OSBPL1A: variants seen among roughly 807,000 people sequenced by gnomAD.
The protein encoded by OSBPL1A is oxysterol binding protein like 1A, also known as oxysterol-binding protein-related protein 1.
A neutral mutation model predicts 137.1 loss-of-function variants in OSBPL1A; 80 were observed. The ratio of observed to expected loss-of-function variants is 0.58; its 90% CI spans 0.49 to 0.70. The LOEUF (loss-of-function observed/expected upper bound fraction) is 0.70, where lower values mean the gene tolerates loss of function less well. Among genes scored for constraint, OSBPL1A ranks in the 30% least tolerant of loss-of-function variants. The probability of loss-of-function intolerance (pLI) is 0.00; values close to 1 mark genes in which losing one functional copy is unlikely to be tolerated. For missense variants in OSBPL1A, 970 were observed against 1,129.4 expected (o/e 0.86, Z 2.02); for synonymous variants, 365 against 389.7 (o/e 0.94, Z 0.75).
chr18:24,226,961 G>A (rs369595994), intron 16 of OSBPL1A, among the ~76,000 whole-genome samples: 67 of 141,690 alleles, frequency 4.7e-4, no homozygotes, highest in African/African-American at 1.6e-3. Context: ...GTGCAATCTC[G>A]GCTCACTGCA....
intron 1 of OSBPL1A, among the ~76,000 whole-genome samples, chr18:24,389,153 C>T (rs1907149693): frequency 6.6e-6 from 1 of 152,178 alleles, no homozygotes. Context: ...TTTCTATCAG[C>T]GCACATGGTA....
chr18:24,334,187 TC>T (rs1345028457), intron 6 of OSBPL1A, 57 bp downstream of exon 6: 51 of 1,409,310 alleles, frequency 3.6e-5, no homozygotes, highest in Non-Finnish European at 4.9e-5. Context: ...GTAAAAATTT[TC>T]CTGAAGTGTA....
intron 24 of OSBPL1A, among the ~76,000 whole-genome samples, 200 bp downstream of exon 24, chr18:24,170,127 A>G (rs45502992): frequency 0.11 from 14,743 of 133,602 alleles, 1,006 homozygotes; most frequent in Middle Eastern, 0.28. Flanking sequence ...AAAAACTGAT[A>G]GGTGTCCACA....
Position 24,366,962 on chromosome 18 carries a change from C to G in OSBPL1A, c.212G>C (p.Gly71Ala), listed in dbSNP as rs1276348313. 49 of 1,609,342 alleles carry G rather than the reference C, an allele frequency of 3.0e-5. No individual in the cohort carries two copies. The highest frequency in any genetic ancestry group is 3.7e-5 in the Non-Finnish European group (44 of 1,177,812). The change falls in exon 4 of 28, where the codon GGT (glycine) becomes GCT (alanine). Residue 71 changes from glycine to alanine, a missense_variant. By Grantham distance (60) the Gly-to-Ala change is moderately conservative (BLOSUM62 0). This residue lies in a region of OSBPL1A where 647 missense variants were observed against 672.6 expected (regional missense o/e 0.96). Transcript: ENST00000319481. ...GTCATTCAACACATTCACTTCTGCA[C>G]CAGCCTAGTAAACATGACCACTTTA... ...RQVVQDLLKA[G>A]AEVNVLNDMG...
At chr18:24,325,095 AAAAGAAAG>A (rs111995094) in intron 7 of OSBPL1A, among the ~76,000 whole-genome samples, 3 of 151,618 alleles carry the variant, frequency 2.0e-5, no homozygotes, top group African/African-American at 7.3e-5. Context: ...CGAAACAAAA[AAAAGAAAG>A]AAAGAAAGAA....
intron 1 of OSBPL1A, among the ~76,000 whole-genome samples, chr18:24,386,704 A>C (rs1311632597): frequency 6.6e-6 from 1 of 152,182 alleles, no homozygotes; most frequent in Non-Finnish European, 1.5e-5. Context: ...TCATGTTTGT[A>C]ATCCCAGCAC....
intron 15 of OSBPL1A, among the ~76,000 whole-genome samples, chr18:24,275,984 TC>T (rs758918403): frequency 7.2e-5 from 11 of 152,026 alleles, no homozygotes; most frequent in Non-Finnish European, 1.6e-4. Flanking sequence ...CACCTCAGCC[TC>T]CCAAAGTGCT....
At chr18:24,368,811 C>A (rs1905378705) in intron 2 of OSBPL1A, among the ~76,000 whole-genome samples, 1 of 152,172 alleles carries the variant, frequency 6.6e-6, no homozygotes. Context: ...TACACCTGTA[C>A]CACATCAAGA....
chr18:24,339,559 T>C (rs1397293963), intron 5 of OSBPL1A, among the ~76,000 whole-genome samples: 1 of 152,230 alleles, frequency 6.6e-6, no homozygotes, highest in Non-Finnish European at 1.5e-5. Context: ...GTCTTTACAA[T>C]TGCCCTTATT....
At chr18:24,184,108 C>T (rs932550055) in intron 18 of OSBPL1A, among the ~76,000 whole-genome samples, 26 of 152,304 alleles carry the variant, frequency 1.7e-4, no homozygotes, top group Admixed American at 5.2e-4. Context: ...ATACCATGAA[C>T]TATTTAATCA....
chr18:24,254,131 T>C (rs531220493), intron 15 of OSBPL1A, among the ~76,000 whole-genome samples: 2 of 152,356 alleles, frequency 1.3e-5, no homozygotes, highest in East Asian at 3.9e-4. Flanking sequence ...TCCTCAGTTA[T>C]AATTTTGCAA....
chr18:24,307,102 A>C (rs1378083377), intron 13 of OSBPL1A, among the ~76,000 whole-genome samples: 1 of 151,758 alleles, frequency 6.6e-6, no homozygotes, highest in Non-Finnish European at 1.5e-5. Context: ...CAAAAAAAAA[A>C]AAACAAAAAC....
intron 13 of OSBPL1A, among the ~76,000 whole-genome samples, chr18:24,309,822 G>C (rs749551021): frequency 6.6e-6 from 1 of 152,262 alleles, no homozygotes; most frequent in Non-Finnish European, 1.5e-5. Context: ...GGAAGCGGGA[G>C]GATCACTTGA....
chr18:24,177,822 A>C (rs1384642344), intron 21 of OSBPL1A, among the ~76,000 whole-genome samples, 191 bp downstream of exon 21: 2 of 152,268 alleles, frequency 1.3e-5, no homozygotes, highest in African/African-American at 4.8e-5. Context: ...CTATTTACAC[A>C]TACCCAGATT....
intron 2 of OSBPL1A, among the ~76,000 whole-genome samples, chr18:24,375,036 T>A (rs1292717779): frequency 6.6e-6 from 1 of 152,004 alleles, no homozygotes; most frequent in African/African-American, 2.4e-5. Flanking sequence ...AAAGTATGGC[T>A]AGATGCAATG....
At chr18:24,332,193 T>G (rs1407122162) in intron 7 of OSBPL1A, among the ~76,000 whole-genome samples, 1 of 151,692 alleles carries the variant, frequency 6.6e-6, no homozygotes, top group Non-Finnish European at 1.5e-5. Context: ...CTGGCCAACA[T>G]GGTGAAACCC....
chr18:24,388,965 A>G (rs1234557668), intron 1 of OSBPL1A, among the ~76,000 whole-genome samples: 1 of 152,202 alleles, frequency 6.6e-6, no homozygotes, highest in Admixed American at 6.5e-5. Flanking sequence ...CATTTAGAAG[A>G]AACTTCAAGA....
chr18:24,371,838 C>T (rs1672303660), intron 2 of OSBPL1A, among the ~76,000 whole-genome samples: 1 of 152,208 alleles, frequency 6.6e-6, no homozygotes, highest in South Asian at 2.1e-4. Flanking sequence ...TCTGCCATCA[C>T]TGCATCACAG....
chr18:24,260,837 C>CAAAA lies in OSBPL1A; in HGVS notation c.1281+20001_1281+20004dup, dbSNP rs71373370. On this transcript the variant is annotated intron_variant, in intron 15 of 27. Transcript: ENST00000319481. ...TTTTTCCCCAAAGTTTAAAAGAACT[C>CAAAA]AAAAAAAAAAAAAAAAGACAAACAT... Among the ~76,000 whole-genome samples the CAAAA allele has an allele frequency of 6.1e-4, 74 of 120,414 alleles. 1 individual carries two copies. The highest frequency in any genetic ancestry group is 2.0e-3 in the African/African-American group (66 of 32,488). 79.0% of individuals were successfully genotyped at this position (120,414 alleles called of 152,430 possible).
Sources: allele counts gnomAD v4.1 joint callset (sites outside exome capture counted in the v4.1 genomes callset), GRCh38; gene constraint gnomAD v4.1.1; regional missense constraint gnomAD v4.1.1; transcripts MANE v1.5; gene names NCBI Gene and HGNC (gene_info 2026-07-23, HGNC 2026-07-21).